The following MDGA1 variants were observed in gnomAD, a reference collection of about 807,000 sequenced individuals.
MDGA1 encodes MAM domain containing glycosylphosphatidylinositol anchor 1.
MDGA1 carries 54 observed loss-of-function variants against 101.5 expected under a neutral mutation model. The ratio of observed to expected loss-of-function variants is 0.53; its 90% CI spans 0.43 to 0.67. MDGA1 has a LOEUF of 0.67. MDGA1 is among the 30% of genes least tolerant of loss of function. The pLI is 0.00. For missense variants in MDGA1, 1,083 were observed against 1,323.8 expected (o/e 0.82, Z 2.82); for synonymous variants, 533 against 558.3 (o/e 0.95, Z 0.64).
chr6:37,697,316 C>A lies in MDGA1; in HGVS notation c.-505G>T, dbSNP rs1435647581. Reference sequence around the variant, plus strand: ...CTGTTTCCAGTCCTGCGGCCGCTGCCGTGGGCTCAGCGGCCCGACTCCAGG... The same window carrying A: ...CTGTTTCCAGTCCTGCGGCCGCTGCAGTGGGCTCAGCGGCCCGACTCCAGG... On this transcript the variant is annotated 5_prime_UTR_variant, in exon 1 of 17. Coordinates refer to ENST00000434837, the MANE Select transcript of MDGA1 (RefSeq NM_153487.4). The A allele has an allele frequency of 6.6e-6, 1 of 152,482 alleles. No homozygotes were observed. Among genetic ancestry groups the A allele is most frequent in the African/African-American group, 2.4e-5 (1 of 41,472 alleles). 9.4% of individuals were successfully genotyped at this position (152,482 alleles called of 1,614,324 possible). A position where few individuals can be genotyped will look rare whatever the true frequency, so the allele number is the denominator to read the frequency against.
At position 37,690,253 on chromosome 6, in the gene MDGA1, G is replaced by A. The variant is rs1762281535; in HGVS notation, c.67+6492C>T. On this transcript the variant is annotated intron_variant, in intron 1 of 16. Transcript: ENST00000434837. ...GCCTCCTGACAGTCTCTCCAGCACGGCCTCCTCCCACACACAGCGGCATGG... is the reference window on the plus strand; with the variant it reads ...GCCTCCTGACAGTCTCTCCAGCACGACCTCCTCCCACACACAGCGGCATGG... 2.6e-5 allele frequency among the ~76,000 whole-genome samples: 4 copies of A among 152,140 alleles called. No individual in the cohort carries two copies. The South Asian group carries it at 6.2e-4, about 24-fold the overall frequency.
chr6:37,640,477 C>T (rs4711506), intron 14 of MDGA1, among the ~76,000 whole-genome samples: 179 of 151,900 alleles, frequency 1.2e-3, no homozygotes, highest in Admixed American at 5.8e-3. Context: ...TAGCTAGGAC[C>T]GTAGGCACGC....
At chr6:37,690,176 C>A (rs922562826) in intron 1 of MDGA1, among the ~76,000 whole-genome samples, 2 of 152,244 alleles carry the variant, frequency 1.3e-5, no homozygotes, top group Non-Finnish European at 2.9e-5. Flanking sequence ...CTGGAACACA[C>A]CTCCTGCAGA....
intron 1 of MDGA1, among the ~76,000 whole-genome samples, chr6:37,681,188 T>G (rs1001685657): frequency 5.3e-5 from 8 of 152,200 alleles, no homozygotes; most frequent in African/African-American, 1.9e-4. Flanking sequence ...TACGGATTCC[T>G]CCCTGTCTCA....
chr6:37,689,718 C>T (rs1229917799), intron 1 of MDGA1, among the ~76,000 whole-genome samples: 1 of 152,218 alleles, frequency 6.6e-6, no homozygotes, highest in Non-Finnish European at 1.5e-5. Context: ...TTTGTTCAAC[C>T]TGTTATCACT....
intron 1 of MDGA1, among the ~76,000 whole-genome samples, chr6:37,688,026 C>A (rs764229471): frequency 3.3e-5 from 5 of 152,308 alleles, no homozygotes; most frequent in African/African-American, 7.2e-5. Flanking sequence ...AGCCTCCTTG[C>A]TCACAGTTTA....
intron 1 of MDGA1, among the ~76,000 whole-genome samples, chr6:37,680,942 A>T (rs528384702): frequency 1.3e-5 from 2 of 152,100 alleles, no homozygotes; most frequent in East Asian, 3.9e-4. Flanking sequence ...GCCTGCTGGG[A>T]AGGCTGGCAG....
intron 2 of MDGA1, among the ~76,000 whole-genome samples, chr6:37,659,117 A>AGTAGATCCTCCAGT (rs1302714116): frequency 1.3e-5 from 2 of 152,176 alleles, no homozygotes; most frequent in Admixed American, 1.3e-4. Flanking sequence ...TTAGCTTGGA[A>AGTAGATCCTCCAGT]GTAGATCCTC....
intron 2 of MDGA1, among the ~76,000 whole-genome samples, chr6:37,662,235 C>A (rs929415325): frequency 1.3e-5 from 2 of 150,580 alleles, no homozygotes; most frequent in Non-Finnish European, 2.9e-5. Flanking sequence ...TCTACTGCAA[C>A]GGTCCAAGCG....
intron 1 of MDGA1, among the ~76,000 whole-genome samples, chr6:37,678,310 G>C (rs1181735463): frequency 6.6e-6 from 1 of 152,056 alleles, no homozygotes; most frequent in Non-Finnish European, 1.5e-5. Context: ...CTGTCGGCTT[G>C]ACCTTCAGAA....
At chr6:37,668,627 G>A (rs377612636) in intron 1 of MDGA1, among the ~76,000 whole-genome samples, 4 of 152,174 alleles carry the variant, frequency 2.6e-5, no homozygotes, top group African/African-American at 7.2e-5. Flanking sequence ...TCTCACAGGC[G>A]CAATTTGAGT....
intron 1 of MDGA1, among the ~76,000 whole-genome samples, chr6:37,685,626 C>T (rs879714944): frequency 2.2e-4 from 34 of 152,276 alleles, no homozygotes; most frequent in Admixed American, 2.2e-3. Flanking sequence ...GCTCTTCTGC[C>T]TTCGGGGCTG....
chr6:37,651,052 C>T (rs865983544), intron 7 of MDGA1, among the ~76,000 whole-genome samples: 10 of 152,224 alleles, frequency 6.6e-5, no homozygotes, highest in South Asian at 2.1e-4. Flanking sequence ...TCATGGGCAA[C>T]GTGGCACATG....
intron 1 of MDGA1, among the ~76,000 whole-genome samples, chr6:37,681,461 C>T: frequency 6.6e-6 from 1 of 152,134 alleles, no homozygotes; most frequent in East Asian, 1.9e-4. Flanking sequence ...TGACCAGAGG[C>T]CATCTGGAGG....
At chr6:37,669,094 C>T (rs972554170) in intron 1 of MDGA1, among the ~76,000 whole-genome samples, 1 of 152,182 alleles carries the variant, frequency 6.6e-6, no homozygotes, top group Non-Finnish European at 1.5e-5. Context: ...GATCCACCCT[C>T]CTCGGCCTCC....
Position 37,649,181 on chromosome 6 carries a change from G to C in MDGA1, c.1695C>G (p.Gly565=). 2.0e-6 allele frequency: 3 copies of C among 1,499,092 alleles called. No individual in the cohort carries two copies. Among genetic ancestry groups the C allele is most frequent in the Non-Finnish European group, 2.6e-6 (3 of 1,132,610 alleles). The allele number at this position is 1,499,092 out of a possible 1,614,324, so 92.9% of individuals were successfully genotyped here. ...CAGCCGAGGCGATGCGCTGGGGGCT[G>C]CCTCGCAGCAGCGAGCAGCGCAGGA... The part of the protein sequence containing the change: ...PVLLRCSLLR[G]SPQRIASAVW... The change falls in exon 9 of 17, where the codon GGC becomes GGG. Residue 565 remains glycine, a synonymous_variant. Coordinates refer to ENST00000434837, the MANE Select transcript of MDGA1 (RefSeq NM_153487.4).
rs11757704 is a variant in MDGA1, at chr6:37,646,703, T to A, written c.2047-328A>T. Among the ~76,000 whole-genome samples, 861 of 152,236 alleles carry A rather than the reference T, an allele frequency of 5.7e-3. 5 individuals are homozygous for A. The highest frequency in any genetic ancestry group is 9.8e-3 in the Non-Finnish European group (665 of 68,000). ...GGTTCTGGTCTAGGCAGTCTGCCCC[T>A]GAGCCACACTCTTACCCTCCCACCA... On this transcript the variant is annotated intron_variant, in intron 10 of 16. Transcript: ENST00000434837.
intron 1 of MDGA1, among the ~76,000 whole-genome samples, chr6:37,666,359 C>CAAAAAAAAAAAAAAAAAAAAA (rs34277023): frequency 1.0e-5 from 1 of 99,872 alleles, no homozygotes; most frequent in Non-Finnish European, 2.2e-5. Flanking sequence ...CACTCCGTCT[C>CAAAAAAAAAAAAAAAAAAAAA]AAAAAAAAAA....
At chr6:37,662,548 A>G (rs942005120) in intron 2 of MDGA1, among the ~76,000 whole-genome samples, 5 of 151,614 alleles carry the variant, frequency 3.3e-5, no homozygotes, top group African/African-American at 1.2e-4. Flanking sequence ...AGGTGGGAGG[A>G]TCACTTGAGC....
Sources: gnomAD v4.1 joint callset for allele counts (sites outside exome capture counted in the v4.1 genomes callset) on GRCh38, gnomAD v4.1.1 for gene constraint, MANE v1.5 for transcripts, NCBI Gene and HGNC (gene_info 2026-07-23, HGNC 2026-07-21) for gene names.